ZNF704: variants seen among roughly 807,000 people sequenced by gnomAD.
ZNF704 encodes the protein zinc finger protein 704.
ZNF704 carries 10 observed loss-of-function variants against 44.7 expected under a neutral mutation model. That is an observed-to-expected ratio of 0.22 (90% CI 0.14 to 0.38). The LOEUF (loss-of-function observed/expected upper bound fraction) is 0.38. ZNF704 is among the 10% of genes least tolerant of loss of function. The probability of loss-of-function intolerance (pLI) is 1.00; values close to 1 mark genes in which losing one functional copy is unlikely to be tolerated. For missense variants in ZNF704, 390 were observed against 545.5 expected (o/e 0.71, Z 2.84); for synonymous variants, 211 against 207.6 (o/e 1.02, Z -0.14).
chr8:80,752,478 A>G (rs1806960242), intron 2 of ZNF704, among the ~76,000 whole-genome samples: 1 of 151,170 alleles, frequency 6.6e-6, no homozygotes, highest in Non-Finnish European at 1.5e-5. Context: ...GAACAGTAGG[A>G]GGTTTTGAGC....
At chr8:80,880,005 G>T in the ZNF704 span, among the ~76,000 whole-genome samples, 1 of 152,156 alleles carries the variant, frequency 6.6e-6, no homozygotes, top group East Asian at 1.9e-4. Flanking sequence ...ATTAGATGTG[G>T]GGCTTTAAGT....
intron 2 of ZNF704, among the ~76,000 whole-genome samples, chr8:80,761,791 T>C (rs1162220869): frequency 6.6e-6 from 1 of 152,202 alleles, no homozygotes; most frequent in African/African-American, 2.4e-5. Flanking sequence ...TATTCATAAA[T>C]AGGTCAAAAG....
chr8:80,811,139 G>A (rs545865754), intron 2 of ZNF704, among the ~76,000 whole-genome samples: 3 of 152,206 alleles, frequency 2.0e-5, no homozygotes, highest in Admixed American at 6.5e-5. Flanking sequence ...TGTGGCTATA[G>A]ATCACTTGAA....
chr8:80,751,192 A>ATCACACT (rs1224732864), intron 2 of ZNF704, among the ~76,000 whole-genome samples: 1 of 152,192 alleles, frequency 6.6e-6, no homozygotes, highest in African/African-American at 2.4e-5. Context: ...CACATAAATA[A>ATCACACT]TCACACTGGA....
At chr8:80,794,073 C>G (rs928945775) in intron 2 of ZNF704, among the ~76,000 whole-genome samples, 8 of 151,564 alleles carry the variant, frequency 5.3e-5, no homozygotes, top group African/African-American at 1.9e-4. Flanking sequence ...TTATAAATAA[C>G]AAGAAAATTG....
At chr8:80,792,344 T>C (rs1807723360) in intron 2 of ZNF704, among the ~76,000 whole-genome samples, 1 of 152,176 alleles carries the variant, frequency 6.6e-6, no homozygotes. Flanking sequence ...GGAATATTTC[T>C]TCTCAGGTTT....
chr8:80,739,041 A>G (rs961560451), intron 2 of ZNF704, among the ~76,000 whole-genome samples: 1 of 152,216 alleles, frequency 6.6e-6, no homozygotes, highest in Non-Finnish European at 1.5e-5. Context: ...CTGAACAATT[A>G]TAACTGAAGA....
chr8:80,696,442 G>A (rs1818725956), intron 2 of ZNF704, among the ~76,000 whole-genome samples: 1 of 152,158 alleles, frequency 6.6e-6, no homozygotes, highest in Non-Finnish European at 1.5e-5. Flanking sequence ...TTTTGAGATG[G>A]AGTCTTGCTC....
intron 1 of ZNF704, among the ~76,000 whole-genome samples, chr8:80,844,081 A>G (rs1022453475): frequency 6.6e-6 from 1 of 151,948 alleles, no homozygotes; most frequent in Non-Finnish European, 1.5e-5. Context: ...AAATAAAAGA[A>G]TCACACAAGT....
intron 2 of ZNF704, among the ~76,000 whole-genome samples, chr8:80,813,093 C>G (rs1234005360): frequency 6.6e-6 from 1 of 152,236 alleles, no homozygotes; most frequent in Non-Finnish European, 1.5e-5. Flanking sequence ...AGAACATTCT[C>G]ATATATCCAA....
rs182414795 is a variant in ZNF704 at position 80,741,118 on chromosome 8, G to T, written c.222-48011C>A. On this transcript the variant is annotated intron_variant, in intron 2 of 8. Transcript: ENST00000327835. ...TCCCAAAACCCTAAAGCAACTAAGA[G>T]GGCTCCTTGGCATAACAGGCTTCTG... is the stretch of plus-strand genomic sequence containing the variant. 3.9e-5 allele frequency among the ~76,000 whole-genome samples: 6 copies of T among 152,334 alleles called. No individual in the cohort carries two copies. The East Asian group carries it at 1.2e-3, about 29-fold the overall frequency.
At chr8:80,743,191 C>CAAAAA (rs59886049) in intron 2 of ZNF704, among the ~76,000 whole-genome samples, 372 of 35,780 alleles carry the variant, frequency 0.01, 14 homozygotes, top group African/African-American at 0.033. Flanking sequence ...CTTGCAACTG[C>CAAAAA]AAAAAAAAAA....
intron 2 of ZNF704, among the ~76,000 whole-genome samples, chr8:80,742,978 A>T (rs991286197): frequency 1.3e-5 from 2 of 152,080 alleles, no homozygotes; most frequent in Non-Finnish European, 2.9e-5. Context: ...ACACCCAACC[A>T]ATCAAGTAGT....
intron 1 of ZNF704, among the ~76,000 whole-genome samples, chr8:80,848,023 G>T (rs1194125894): frequency 6.6e-6 from 1 of 152,156 alleles, no homozygotes; most frequent in Admixed American, 6.5e-5. Flanking sequence ...CAACCCACAT[G>T]TCCTTCAATG....
chr8:80,869,971 C>G (rs967316773), intron 1 of ZNF704, among the ~76,000 whole-genome samples: 3 of 152,288 alleles, frequency 2.0e-5, no homozygotes, highest in Non-Finnish European at 4.4e-5. Flanking sequence ...CAGCAAGAAG[C>G]TAGGACCCTC....
upstream of ZNF704, among the ~76,000 whole-genome samples, chr8:80,878,287 AGG>A (rs1809385404): frequency 1.3e-5 from 2 of 151,840 alleles, no homozygotes. Flanking sequence ...GAAGGAAGGA[AGG>A]AAGGAAGGAA....
chr8:80,690,656 G>A (rs1054410484), intron 3 of ZNF704, among the ~76,000 whole-genome samples: 11 of 152,220 alleles, frequency 7.2e-5, no homozygotes, highest in African/African-American at 2.7e-4. Context: ...AGAGCAGTCA[G>A]GTCACTGAAT....
chr8:80,783,770 G>T (rs1185071159), intron 2 of ZNF704, among the ~76,000 whole-genome samples: 2 of 152,072 alleles, frequency 1.3e-5, no homozygotes, highest in African/African-American at 4.8e-5. Flanking sequence ...GTTTACACTA[G>T]GGGTCACTCT....
chr8:80,802,943 C>T (rs552321615), intron 2 of ZNF704, among the ~76,000 whole-genome samples: 5 of 152,178 alleles, frequency 3.3e-5, no homozygotes, highest in African/African-American at 1.2e-4. Flanking sequence ...AAAATCCCAT[C>T]GTCTCAGCCC....
Sources: allele counts gnomAD v4.1 joint callset (sites outside exome capture counted in the v4.1 genomes callset), GRCh38; gene constraint gnomAD v4.1.1; transcripts MANE v1.5; gene names NCBI Gene and HGNC (gene_info 2026-07-23, HGNC 2026-07-21).